RIMKLB: variants seen among roughly 807,000 people sequenced by gnomAD.
The protein encoded by RIMKLB is ribosomal modification protein rimK like family member B.
Under a neutral mutation model 32.0 loss-of-function variants are expected in RIMKLB, and 7 were observed. The observed-to-expected ratio is 0.22, with a 90% CI of 0.12 to 0.41. The LOEUF (loss-of-function observed/expected upper bound fraction) is 0.41, where lower values mean the gene tolerates loss of function less well. Ranked by LOEUF, RIMKLB falls within the 10% of genes least tolerant of loss-of-function variation. RIMKLB has a pLI of 1.00. For missense variants in RIMKLB, 289 were observed against 498.7 expected (o/e 0.58, Z 4.00); for synonymous variants, 172 against 185.1 (o/e 0.93, Z 0.57).
chr12:8,710,593 A>G (rs980187175), intron 1 of RIMKLB, among the ~76,000 whole-genome samples: 1 of 152,118 alleles, frequency 6.6e-6, no homozygotes, highest in East Asian at 1.9e-4. Flanking sequence ...GGCAGGAGCC[A>G]TCATGCCTGG....
In RIMKLB at chr12:8,773,334, G is replaced by T; in HGVS notation, c.711G>T (p.Met237Ile). The T allele has an allele frequency of 6.2e-7, 1 of 1,611,192 alleles. No individual in the cohort carries two copies. Among genetic ancestry groups the T allele is most frequent in the Non-Finnish European group, 8.5e-7 (1 of 1,177,422 alleles). The change falls in exon 6 of 6, where the codon ATG (methionine) becomes ATT (isoleucine). Residue 237 changes from methionine (M) to isoleucine (I), a missense_variant. This residue lies in a region of RIMKLB where 156 missense variants were observed against 329.5 expected (regional missense o/e 0.47). Transcript: ENST00000535829. ...QSNCSLGGVG[M>I]MCSLSEQGKQ... is the part of the protein sequence containing the mutation. ...TTCTTTTGCCAGGTGGTGTGGGGAT[G>T]ATGTGCTCATTGAGTGAACAAGGGA... is the stretch of plus-strand genomic sequence containing the variant.
Position 8,713,818 on chromosome 12 carries a change from T to C in RIMKLB, c.-49T>C. The C allele has an allele frequency of 6.3e-7, 1 of 1,591,486 alleles. No individual in the cohort carries two copies. Among genetic ancestry groups the C allele is most frequent in the Non-Finnish European group, 8.6e-7 (1 of 1,159,418 alleles). The stretch of plus-strand genomic sequence containing the variant: ...ATTTTTTCTTCCATCTAGGTAGACG[T>C]TACATCCAAGAGGAAATAATCCAGG... On this transcript the variant is annotated 5_prime_UTR_variant, in exon 2 of 6. Transcript: ENST00000535829.
At chr12:8,702,149 T>C (rs1943464058) in intron 1 of RIMKLB, among the ~76,000 whole-genome samples, 1 of 152,256 alleles carries the variant, frequency 6.6e-6, no homozygotes, top group African/African-American at 2.4e-5. Flanking sequence ...TTGTCAGTGT[T>C]ACATGTCAGG....
At chr12:8,772,662 CAT>C (rs1465474453) in intron 5 of RIMKLB, among the ~76,000 whole-genome samples, 1 of 152,232 alleles carries the variant, frequency 6.6e-6, no homozygotes, top group Non-Finnish European at 1.5e-5. Flanking sequence ...GGTAAACTCA[CAT>C]GTCATCCTCA....
At chr12:8,777,239 T>C (rs1950787683), downstream of RIMKLB, 2 of 963,222 alleles carry the variant, frequency 2.1e-6, no homozygotes, top group Non-Finnish European at 2.4e-6. Context: ...TTTTTTTTTT[T>C]TCTTCTTAAA....
In RIMKLB at chr12:8,761,090, C is replaced by G. The variant is rs549645925; in HGVS notation, c.697+6997C>G. ...TCTGGCCGGGTGCAGTGGCTTATTC[C>G]TGTAATCCCAGCACTTTGGGAGGCC... On this transcript the variant is annotated intron_variant, in intron 5 of 5. Coordinates refer to ENST00000535829, the MANE Select transcript of RIMKLB (RefSeq NM_001297776.2). Among the ~76,000 whole-genome samples, 168 of 151,748 alleles carry G rather than the reference C, an allele frequency of 1.1e-3. 1 individual carries two copies. Among genetic ancestry groups the G allele is most frequent in the Admixed American group, 1.8e-3 (27 of 15,248 alleles).
At chr12:8,681,505 C>T (rs934401354), upstream of RIMKLB, 41 of 152,246 alleles carry the variant, frequency 2.7e-4, 2 homozygotes, top group East Asian at 6.0e-3. Context: ...ACTTGTGCTA[C>T]GTTAATGCAT....
intron 2 of RIMKLB, among the ~76,000 whole-genome samples, chr12:8,719,103 C>G (rs1945179886): frequency 6.6e-6 from 1 of 152,154 alleles, no homozygotes; most frequent in East Asian, 1.9e-4. Flanking sequence ...CACTGACCCT[C>G]TGACTGTCTC....
chr12:8,676,319 C>G, the RIMKLB span, among the ~76,000 whole-genome samples: 3 of 151,308 alleles, frequency 2.0e-5, no homozygotes, highest in South Asian at 2.1e-4. Flanking sequence ...AGTGATCCCC[C>G]AGTCTTGGCC....
chr12:8,681,434 A>C (rs1163771383), upstream of RIMKLB, among the ~76,000 whole-genome samples: 1 of 152,216 alleles, frequency 6.6e-6, no homozygotes, highest in Non-Finnish European at 1.5e-5. Flanking sequence ...CTGAGTGATA[A>C]GAGTGTCTTT....
chr12:8,729,867 G>A (rs183747413), intron 2 of RIMKLB, among the ~76,000 whole-genome samples: 5 of 152,266 alleles, frequency 3.3e-5, no homozygotes, highest in Non-Finnish European at 7.4e-5. Context: ...GTCAACTTCT[G>A]TTTTATAATA....
chr12:8,755,058 T>G (rs1948908542), intron 5 of RIMKLB, among the ~76,000 whole-genome samples: 1 of 152,180 alleles, frequency 6.6e-6, no homozygotes, highest in Non-Finnish European at 1.5e-5. Flanking sequence ...TTCAAGTGAT[T>G]CTCCTGCCTT....
At chr12:8,726,842 G>T (rs918220485) in intron 2 of RIMKLB, among the ~76,000 whole-genome samples, 9 of 151,978 alleles carry the variant, frequency 5.9e-5, no homozygotes, top group Non-Finnish European at 1.2e-4. Flanking sequence ...AACATATCAT[G>T]TTTGTTACTG....
intron 5 of RIMKLB, among the ~76,000 whole-genome samples, chr12:8,768,210 A>G (rs930289867): frequency 2.0e-5 from 3 of 152,266 alleles, no homozygotes; most frequent in African/African-American, 4.8e-5. Flanking sequence ...TTGTGCAGGA[A>G]CAATGGCAAG....
At chr12:8,694,393 T>TTC (rs1942826854), upstream of RIMKLB, among the ~76,000 whole-genome samples, 1 of 139,040 alleles carries the variant, frequency 7.2e-6, no homozygotes, top group African/African-American at 2.7e-5. Context: ...TTGAATTTTT[T>TTC]TTCTTTTTTT....
At chr12:8,737,876 G>A (rs1393012074) in intron 2 of RIMKLB, among the ~76,000 whole-genome samples, 3 of 152,000 alleles carry the variant, frequency 2.0e-5, no homozygotes, top group East Asian at 1.9e-4. Context: ...CACCACGCCC[G>A]GCTAATTTTG....
At chr12:8,712,685 T>C (rs1225952798) in intron 1 of RIMKLB, among the ~76,000 whole-genome samples, 3 of 152,168 alleles carry the variant, frequency 2.0e-5, no homozygotes, top group Non-Finnish European at 2.9e-5. Flanking sequence ...CTGTTGGCTC[T>C]GATGGGGCCT....
At chr12:8,777,603 C>CA (rs1469190244), downstream of RIMKLB, 8 of 1,287,082 alleles carry the variant, frequency 6.2e-6, no homozygotes, top group African/African-American at 3.0e-5. Context: ...TTTCAGGAGC[C>CA]AAAAAAACAA....
intron 5 of RIMKLB, among the ~76,000 whole-genome samples, chr12:8,759,921 C>G (rs746970321): frequency 6.6e-6 from 1 of 152,270 alleles, no homozygotes; most frequent in South Asian, 2.1e-4. Flanking sequence ...AGATTTTATC[C>G]TGTGCCATCT....
Sources: allele counts gnomAD v4.1 joint callset (sites outside exome capture counted in the v4.1 genomes callset), GRCh38; gene constraint gnomAD v4.1.1; regional missense constraint gnomAD v4.1.1; transcripts MANE v1.5; gene names NCBI Gene and HGNC (gene_info 2026-07-23, HGNC 2026-07-21).